The following ASXL3 variants were observed in gnomAD, a reference collection of about 807,000 sequenced individuals.
ASXL3 encodes the protein putative Polycomb group protein ASXL3.
A neutral mutation model predicts 170.6 loss-of-function variants in ASXL3; 34 were observed. The ratio of observed to expected loss-of-function variants is 0.20; its 90% CI spans 0.15 to 0.27. The LOEUF is 0.27. Among genes scored for constraint, ASXL3 ranks in the 10% least tolerant of loss-of-function variants. The pLI is 1.00. For missense variants in ASXL3, 2,592 were observed against 2,695.3 expected, an observed-to-expected ratio of 0.96 and a Z score of 0.85; for synonymous variants, 1,002 against 989.1, an observed-to-expected ratio of 1.01 and a Z score of -0.24.
chr18:33,718,605 C>T (rs1361290639), intron 8 of ASXL3, among the ~76,000 whole-genome samples: 2 of 152,062 alleles, frequency 1.3e-5, no homozygotes, highest in African/African-American at 4.8e-5. Flanking sequence ...CTAGCTCATG[C>T]AAGTTGCTGG....
chr18:33,630,296 T>G (rs2065658849), intron 2 of ASXL3, among the ~76,000 whole-genome samples: 1 of 152,052 alleles, frequency 6.6e-6, no homozygotes, highest in African/African-American at 2.4e-5. Flanking sequence ...TAATTCTATC[T>G]GCATTTTACA....
At position 33,593,258 on chromosome 18, in the gene ASXL3, CTTTTTTTTTTTTTT is replaced by C. The variant is rs34699815; in HGVS notation, c.55-14326_55-14313del. Among the ~76,000 whole-genome samples, 202 of 87,940 alleles carry C rather than the reference CTTTTTTTTTTTTTT, an allele frequency of 2.3e-3. 1 individual carries two copies. Among genetic ancestry groups the C allele is most frequent in the Admixed American group, 7.9e-3 (62 of 7,854 alleles). The allele number at this position is 87,940 out of a possible 152,430, so 57.7% of individuals were successfully genotyped here. On this transcript the variant is annotated intron_variant, in intron 1 of 11. Coordinates refer to ENST00000269197, the MANE Select transcript of ASXL3 (RefSeq NM_030632.3). ...CTTTTCTTTCTCCCCCTATGCCCAC[CTTTTTTTTTTTTTT>C]TTTTTTTTTGGCCTAGGGCAGTGCT...
intron 1 of ASXL3, among the ~76,000 whole-genome samples, chr18:33,599,789 A>G (rs956280169): frequency 1.4e-4 from 21 of 152,266 alleles, no homozygotes; most frequent in African/African-American, 5.1e-4. Flanking sequence ...GGATTAAACA[A>G]ACACTAGTGC....
intron 1 of ASXL3, among the ~76,000 whole-genome samples, chr18:33,582,945 TA>T (rs1479659698): frequency 3.3e-5 from 5 of 152,190 alleles, no homozygotes; most frequent in Admixed American, 6.5e-5. Context: ...CTTAAATTAA[TA>T]GAGGAAATAT....
At chr18:33,604,546 T>C (rs2065223289) in intron 1 of ASXL3, among the ~76,000 whole-genome samples, 1 of 151,966 alleles carries the variant, frequency 6.6e-6, no homozygotes, top group Non-Finnish European at 1.5e-5. Context: ...TAAAACAGTG[T>C]AGTGTTGGCT....
intron 2 of ASXL3, chr18:33,625,971 C>A (rs566408849): frequency 6.6e-6 from 1 of 152,086 alleles, no homozygotes; most frequent in East Asian, 1.9e-4. Flanking sequence ...TAGATGTATT[C>A]TGGAACTAGA....
At chr18:33,608,120 T>A (rs908215153) in intron 2 of ASXL3, among the ~76,000 whole-genome samples, 4 of 152,018 alleles carry the variant, frequency 2.6e-5, no homozygotes, top group African/African-American at 9.7e-5. Context: ...CTCTACTTGG[T>A]GCATCCCGTA....
chr18:33,697,282 C>A (rs1018818254), intron 8 of ASXL3, among the ~76,000 whole-genome samples: 3 of 152,008 alleles, frequency 2.0e-5, no homozygotes, highest in African/African-American at 7.2e-5. Flanking sequence ...TTATGGTGGG[C>A]TATGCAAGGT....
At chr18:33,655,569 C>T (rs1444022500) in intron 4 of ASXL3, among the ~76,000 whole-genome samples, 2 of 151,924 alleles carry the variant, frequency 1.3e-5, no homozygotes. Context: ...ACCCAAATAC[C>T]TATACCTATC....
chr18:33,579,329 G>A (rs758853513), intron 1 of ASXL3, among the ~76,000 whole-genome samples: 3 of 152,202 alleles, frequency 2.0e-5, no homozygotes, highest in Non-Finnish European at 4.4e-5. Flanking sequence ...TGTACATTCT[G>A]TGCACGTGTG....
At chr18:33,742,833 T>G (rs1288776458) in intron 11 of ASXL3, 55 bp from the exon 12 acceptor site, 5 of 1,514,202 alleles carry the variant, frequency 3.3e-6, no homozygotes, top group Non-Finnish European at 4.4e-6. Flanking sequence ...TCTACGTGCC[T>G]CCTCTGTGAT....
At chr18:33,709,878 A>G (rs976480866) in intron 8 of ASXL3, among the ~76,000 whole-genome samples, 3 of 152,096 alleles carry the variant, frequency 2.0e-5, no homozygotes, top group Non-Finnish European at 2.9e-5. Flanking sequence ...GTTTCTCCCC[A>G]CTCTGACCAC....
intron 2 of ASXL3, among the ~76,000 whole-genome samples, chr18:33,610,735 A>C (rs1351179771): frequency 6.6e-6 from 1 of 152,092 alleles, no homozygotes; most frequent in Non-Finnish European, 1.5e-5. Flanking sequence ...GCTGGTGCTT[A>C]GTAACAACTT....
intron 1 of ASXL3, among the ~76,000 whole-genome samples, chr18:33,590,975 A>G (rs2065072061): frequency 6.6e-6 from 1 of 152,240 alleles, no homozygotes; most frequent in Non-Finnish European, 1.5e-5. Flanking sequence ...TAAAATGCCC[A>G]AGAAGAACCT....
chr18:33,669,341 A>G (rs2066305971), intron 5 of ASXL3, among the ~76,000 whole-genome samples: 1 of 152,188 alleles, frequency 6.6e-6, no homozygotes, highest in Admixed American at 6.6e-5. Context: ...CCTCTCCCAT[A>G]TATAGTACCT....
At chr18:33,685,900 T>G (rs572718342) in intron 8 of ASXL3, among the ~76,000 whole-genome samples, 14 of 152,172 alleles carry the variant, frequency 9.2e-5, no homozygotes, top group Admixed American at 9.2e-4. Flanking sequence ...GCCAAACACC[T>G]CCCACTAGGC....
chr18:33,688,801 T>C (rs2145298550), intron 8 of ASXL3, among the ~76,000 whole-genome samples: 1 of 152,298 alleles, frequency 6.6e-6, no homozygotes, highest in South Asian at 2.1e-4. Flanking sequence ...TTGTGCTGCT[T>C]TTCTCCAGAA....
chr18:33,646,837 AC>A (rs1440540995), intron 4 of ASXL3, among the ~76,000 whole-genome samples: 1 of 118,504 alleles, frequency 8.4e-6, no homozygotes, highest in African/African-American at 3.3e-5. Flanking sequence ...CTTGTTAGAC[AC>A]TTTTAAGAAG....
At chr18:33,602,507 A>G (rs1176384948) in intron 1 of ASXL3, among the ~76,000 whole-genome samples, 1 of 152,136 alleles carries the variant, frequency 6.6e-6, no homozygotes, top group African/African-American at 2.4e-5. Flanking sequence ...TTCATGTTTC[A>G]TCAAAATGAC....
Sources: allele counts gnomAD v4.1 joint callset (sites outside exome capture counted in the v4.1 genomes callset), GRCh38; gene constraint gnomAD v4.1.1; transcripts MANE v1.5; gene names NCBI Gene and HGNC (gene_info 2026-07-23, HGNC 2026-07-21).